The following KIF27 variants were observed in gnomAD, a reference collection of about 807,000 sequenced individuals.
KIF27 encodes the protein kinesin family member 27, also known as kinesin-like protein KIF27.
In KIF27, 84 loss-of-function variants were observed where a neutral mutation model predicts 141.8. The observed-to-expected ratio is 0.59, with a 90% CI of 0.50 to 0.71. The LOEUF (loss-of-function observed/expected upper bound fraction) is 0.71, where lower values mean the gene tolerates loss of function less well. Among genes scored for constraint, KIF27 ranks in the 30% least tolerant of loss-of-function variants. The pLI is 0.00. For missense variants in KIF27, 1,306 were observed against 1,628.4 expected, an observed-to-expected ratio of 0.80 and a Z score of 3.41; for synonymous variants, 471 against 569.5, an observed-to-expected ratio of 0.83 and a Z score of 2.46.
intron 3 of KIF27, among the ~76,000 whole-genome samples, chr9:83,907,558 C>G (rs1201250206): frequency 6.6e-6 from 1 of 151,824 alleles, no homozygotes; most frequent in Admixed American, 6.6e-5. Context: ...TAACCTTCTC[C>G]CATTTCCAAC....
At chr9:83,906,744 CAAAA>C (rs565683124) in intron 3 of KIF27, among the ~76,000 whole-genome samples, 8 of 50,032 alleles carry the variant, frequency 1.6e-4, no homozygotes, top group South Asian at 6.8e-4. Flanking sequence ...ACCCTGTCTC[CAAAA>C]AAAAAAAAAA....
intron 12 of KIF27, among the ~76,000 whole-genome samples, chr9:83,870,315 T>C (rs1950670343): frequency 6.6e-6 from 1 of 152,098 alleles, no homozygotes; most frequent in Non-Finnish European, 1.5e-5. Flanking sequence ...TACAAGCGCC[T>C]GCCACCAAGC....
At chr9:83,875,015 T>C (rs1331360697) in intron 11 of KIF27, among the ~76,000 whole-genome samples, 3 of 151,522 alleles carry the variant, frequency 2.0e-5, no homozygotes, top group Non-Finnish European at 2.9e-5. Flanking sequence ...AGCAGACTTC[T>C]ACTCTTTGAA....
At chr9:83,920,297 T>A (rs1956127647) in intron 1 of KIF27, among the ~76,000 whole-genome samples, 1 of 152,178 alleles carries the variant, frequency 6.6e-6, no homozygotes, top group Non-Finnish European at 1.5e-5. Context: ...AAATAAAGTT[T>A]TTACACAATC....
chr9:83,846,870 G>A (rs34118896), intron 16 of KIF27, among the ~76,000 whole-genome samples: 7 of 152,162 alleles, frequency 4.6e-5, no homozygotes, highest in Admixed American at 2.0e-4. Context: ...TCCACCTACC[G>A]TTAAGTCAGC....
intron 11 of KIF27, among the ~76,000 whole-genome samples, chr9:83,878,460 A>G (rs1231626433): frequency 1.3e-5 from 2 of 152,312 alleles, no homozygotes; most frequent in East Asian, 3.9e-4. Flanking sequence ...GCCAGTGTTC[A>G]CTGCAGCATT....
intron 6 of KIF27, among the ~76,000 whole-genome samples, chr9:83,889,815 T>C (rs1018583654): frequency 3.9e-5 from 6 of 152,350 alleles, no homozygotes; most frequent in African/African-American, 7.2e-5. Flanking sequence ...AGGAAAAATA[T>C]TTAATATATG....
chr9:83,919,534 G>A (rs1332394374), intron 1 of KIF27, among the ~76,000 whole-genome samples: 3 of 151,682 alleles, frequency 2.0e-5, no homozygotes, highest in Non-Finnish European at 4.4e-5. Context: ...CAGACAACTA[G>A]ACTGAAATAA....
chr9:83,898,739 G>A (rs922953566), intron 5 of KIF27: 5 of 152,116 alleles, frequency 3.3e-5, no homozygotes, highest in African/African-American at 1.2e-4. Flanking sequence ...TAGGATCACT[G>A]AGCCCAGGAG....
chr9:83,847,478 T>G (rs1947440292), intron 16 of KIF27: 2 of 152,338 alleles, frequency 1.3e-5, no homozygotes, highest in South Asian at 4.1e-4. Flanking sequence ...GAGGTGTAAT[T>G]ATAACCTTAT....
chr9:83,894,673 G>A (rs77037772), intron 5 of KIF27, among the ~76,000 whole-genome samples: 314 of 152,222 alleles, frequency 2.1e-3, no homozygotes, highest in Non-Finnish European at 3.4e-3. Context: ...ACTCATTGCT[G>A]GGGGATTAAG....
intron 16 of KIF27, among the ~76,000 whole-genome samples, chr9:83,847,300 T>C (rs1253850858): frequency 6.6e-6 from 1 of 152,232 alleles, no homozygotes. Flanking sequence ...TGTGCACATA[T>C]ACACTTGTAC....
Position 83,915,524 on chromosome 9 carries a change from T to C in KIF27, c.68A>G (p.Asn23Ser), listed in dbSNP as rs151072016. 109 of 1,613,836 alleles carry C rather than the reference T, an allele frequency of 6.8e-5. No homozygotes were observed. The African/African-American group carries it at 1.0e-3, about 15-fold the overall frequency. The change falls in exon 2 of 18, where the codon AAT becomes AGT. Residue 23 changes from asparagine to serine, a missense_variant. Physicochemically the swap from Asn to Ser is conservative, Grantham distance 46. This residue lies in a region of KIF27 where 533 missense variants were observed against 565.6 expected (regional missense o/e 0.94). Transcript: ENST00000297814. ...AATAACTCTCACACAAACTTGATGA[T>C]TATGAAGAGCTTCTTTGCAAAGCAG... The part of the protein sequence containing the change: ...RPLLCKEALH[N>S]HQVCVRVIPN...
chr9:83,873,350 G>A (rs1950949637), intron 11 of KIF27, among the ~76,000 whole-genome samples: 1 of 152,182 alleles, frequency 6.6e-6, no homozygotes, highest in South Asian at 2.1e-4. Flanking sequence ...AGGGAGAGAA[G>A]CATAGGGAAG....
chr9:83,888,816 CAAAAAAAA>C (rs35585822), intron 7 of KIF27, among the ~76,000 whole-genome samples: 17 of 83,852 alleles, frequency 2.0e-4, no homozygotes, highest in Non-Finnish European at 3.7e-4. Flanking sequence ...TAAGGAAATC[CAAAAAAAA>C]AAAAAAAAAA....
chr9:83,848,735 G>A (rs1016445852), intron 16 of KIF27: 10 of 151,478 alleles, frequency 6.6e-5, no homozygotes, highest in African/African-American at 2.4e-4. Flanking sequence ...AGAATGCTGG[G>A]ATTATAGGCA....
intron 9 of KIF27, among the ~76,000 whole-genome samples, chr9:83,884,419 T>C (rs1351367391): frequency 6.6e-6 from 1 of 152,174 alleles, no homozygotes; most frequent in African/African-American, 2.4e-5. Context: ...ATTCCTTTTT[T>C]AAATTATTAT....
chr9:83,894,011 CAAT>C lies in KIF27; in HGVS notation c.1603-2513_1603-2511del, dbSNP rs1588207618. Reference sequence around the variant, plus strand: ...AAGACTATCATAAACAAACTTATGCCAATACATTTGAAAATTATATACAATGGT... The same window carrying C: ...AAGACTATCATAAACAAACTTATGCCACATTTGAAAATTATATACAATGGT... On this transcript the variant is annotated intron_variant, in intron 5 of 17. Coordinates refer to ENST00000297814, the MANE Select transcript of KIF27 (RefSeq NM_017576.4). Among the ~76,000 whole-genome samples the C allele has an allele frequency of 2.0e-5, 3 of 152,102 alleles. No individual in the cohort carries two copies. In the East Asian group the frequency reaches 5.8e-4, roughly 29 times the overall value.
intron 10 of KIF27, among the ~76,000 whole-genome samples, chr9:83,882,564 A>C (rs1158282614): frequency 6.6e-6 from 1 of 152,184 alleles, no homozygotes; most frequent in Admixed American, 6.6e-5. Context: ...TGTCCTCCTC[A>C]TCCTCCTTAT....
Sources: gnomAD v4.1 joint callset for allele counts (sites outside exome capture counted in the v4.1 genomes callset) on GRCh38, gnomAD v4.1.1 for gene constraint, gnomAD v4.1.1 regional missense constraint, MANE v1.5 for transcripts, NCBI Gene and HGNC (gene_info 2026-07-23, HGNC 2026-07-21) for gene names.